Variants in GNG7 observed in about 807,000 individuals in gnomAD.
The protein encoded by GNG7 is G protein subunit gamma 7.
A neutral mutation model predicts 4.0 loss-of-function variants in GNG7; 1 was observed. The ratio of observed to expected loss-of-function variants is 0.25; its 90% CI spans 0.09 to 1.18. GNG7 has a LOEUF of 1.18. Among genes scored for constraint, GNG7 ranks in the 50% most tolerant of loss-of-function variants. GNG7 has a pLI of 0.50. For synonymous variants in GNG7, 34 were observed against 36.9 expected, an observed-to-expected ratio of 0.92 and a Z score of 0.29; for missense variants, 86 against 91.9, an observed-to-expected ratio of 0.94 and a Z score of 0.26.
At chr19:2,560,553 G>A (rs184259718) in intron 2 of GNG7, among the ~76,000 whole-genome samples, 2 of 152,104 alleles carry the variant, frequency 1.3e-5, no homozygotes, top group African/African-American at 4.8e-5. Context: ...TCCAGACTTG[G>A]GGGTGCTCCT....
At chr19:2,686,314 C>T (rs1407264678) in intron 1 of GNG7, among the ~76,000 whole-genome samples, 3 of 152,122 alleles carry the variant, frequency 2.0e-5, no homozygotes, top group Admixed American at 6.6e-5. Flanking sequence ...CCCGCCACCA[C>T]GCCTGGCTAA....
chr19:2,697,560 G>A (rs927204151), intron 1 of GNG7, among the ~76,000 whole-genome samples: 4 of 152,228 alleles, frequency 2.6e-5, no homozygotes, highest in African/African-American at 7.2e-5. Flanking sequence ...GCCAAAGAGT[G>A]CATGTATAAA....
intron 2 of GNG7, among the ~76,000 whole-genome samples, chr19:2,582,609 A>G (rs900816665): frequency 2.0e-5 from 3 of 150,196 alleles, no homozygotes; most frequent in Non-Finnish European, 4.4e-5. Flanking sequence ...CCACCTTCCA[A>G]GTAGCTGGGA....
intron 3 of GNG7, among the ~76,000 whole-genome samples, chr19:2,542,507 A>C (rs146479371): frequency 9.6e-4 from 146 of 152,238 alleles, no homozygotes; most frequent in Non-Finnish European, 1.6e-3. Context: ...AAGGAAGTGA[A>C]TTCAGGAAGA....
At chr19:2,572,287 G>C (rs1455783234) in intron 2 of GNG7, among the ~76,000 whole-genome samples, 2 of 152,072 alleles carry the variant, frequency 1.3e-5, no homozygotes, top group African/African-American at 2.4e-5. Flanking sequence ...CCACGTATCT[G>C]GGACTATAGG....
intron 1 of GNG7, among the ~76,000 whole-genome samples, chr19:2,651,263 T>G (rs1599442371): frequency 1.1e-5 from 1 of 91,310 alleles, no homozygotes. Flanking sequence ...CTTCCTTCCT[T>G]CCTTCCTTCC....
chr19:2,639,047 G>A (rs1331426013), intron 2 of GNG7, among the ~76,000 whole-genome samples: 3 of 151,972 alleles, frequency 2.0e-5, no homozygotes, highest in Non-Finnish European at 4.4e-5. Context: ...CACCAGCCTG[G>A]CCAACATGGT....
intron 1 of GNG7, among the ~76,000 whole-genome samples, chr19:2,648,124 A>G (rs1982716988): frequency 6.6e-6 from 1 of 152,062 alleles, no homozygotes; most frequent in South Asian, 2.1e-4. Flanking sequence ...AACTGGGATA[A>G]AGAGTGAAAT....
intron 1 of GNG7, among the ~76,000 whole-genome samples, chr19:2,655,769 G>A (rs904592694): frequency 4.6e-5 from 7 of 150,630 alleles, no homozygotes; most frequent in Admixed American, 3.3e-4. Context: ...AACCCGGGAG[G>A]TGGAGCTTGC....
chr19:2,550,391 A>AT (rs1249557537), intron 3 of GNG7, among the ~76,000 whole-genome samples: 2 of 152,230 alleles, frequency 1.3e-5, no homozygotes, highest in Non-Finnish European at 2.9e-5. Context: ...AGCCCGGCTA[A>AT]TTTTTTTATT....
At chr19:2,547,398 C>T (rs1020423333) in intron 3 of GNG7, among the ~76,000 whole-genome samples, 4 of 152,082 alleles carry the variant, frequency 2.6e-5, no homozygotes, top group African/African-American at 9.7e-5. Flanking sequence ...TGCCCGTATC[C>T]CTCGGCTCGG....
At chr19:2,690,014 T>C (rs1842135540) in intron 1 of GNG7, among the ~76,000 whole-genome samples, 1 of 152,192 alleles carries the variant, frequency 6.6e-6, no homozygotes, top group African/African-American at 2.4e-5. Flanking sequence ...CATGGCCTTT[T>C]CTTTGACTTT....
chr19:2,661,284 AAGAAAGAAAGAAAGAAAG>A lies in GNG7; in HGVS notation c.-134-15022_-134-15005del, dbSNP rs1568277707. 9.0e-3 allele frequency among the ~76,000 whole-genome samples: 507 copies of A among 56,418 alleles called. 40 individuals are homozygous for A. The highest frequency in any genetic ancestry group is 0.039 in the African/African-American group (469 of 11,990). 37.0% of individuals were successfully genotyped at this position (56,418 alleles called of 152,430 possible). Reference sequence around the variant, plus strand: ...AAGAAAGAAAGAAAAGAAAGAAAGAAAGAAAGAAAGAAAGAAAGAGAAAGAAAGAAAGAAAGAAAGAAA... The same window carrying A: ...AAGAAAGAAAGAAAAGAAAGAAAGAAAGAAAGAAAGAAAGAAAGAAAGAAA... On this transcript the variant is annotated intron_variant, in intron 1 of 4. Coordinates refer to ENST00000382159, the MANE Select transcript of GNG7 (RefSeq NM_052847.3).
intron 2 of GNG7, among the ~76,000 whole-genome samples, chr19:2,615,011 G>A (rs1981679834): frequency 6.6e-6 from 1 of 152,204 alleles, no homozygotes; most frequent in South Asian, 2.1e-4. Flanking sequence ...GCCAGAACTT[G>A]CAGCTGTGAT....
chr19:2,636,309 C>T (rs1380961983), intron 2 of GNG7, among the ~76,000 whole-genome samples: 1 of 152,152 alleles, frequency 6.6e-6, no homozygotes, highest in East Asian at 1.9e-4. Context: ...GGCGAGGATC[C>T]AGGCCCTCTG....
intron 1 of GNG7, among the ~76,000 whole-genome samples, chr19:2,679,193 G>A (rs1425720352): frequency 1.2e-4 from 18 of 151,970 alleles, no homozygotes; most frequent in African/African-American, 4.8e-5. Flanking sequence ...GGGACCACAG[G>A]TGTGCACCAC....
chr19:2,595,557 A>G (rs1980992075), intron 2 of GNG7, among the ~76,000 whole-genome samples: 1 of 151,570 alleles, frequency 6.6e-6, no homozygotes, highest in Non-Finnish European at 1.5e-5. Context: ...AACATAGCAA[A>G]ACTCCGTCTC....
chr19:2,525,495 C>T (rs528708099), intron 3 of GNG7, among the ~76,000 whole-genome samples: 3 of 148,260 alleles, frequency 2.0e-5, no homozygotes, highest in Non-Finnish European at 3.0e-5. Flanking sequence ...GGTACCCCCC[C>T]ACTCCAGGAC....
intron 2 of GNG7, among the ~76,000 whole-genome samples, chr19:2,569,014 A>G (rs1021411970): frequency 6.6e-6 from 1 of 151,358 alleles, no homozygotes; most frequent in Non-Finnish European, 1.5e-5. Flanking sequence ...TATACACACA[A>G]GCAGACACAT....
Sources: allele counts gnomAD v4.1 joint callset (sites outside exome capture counted in the v4.1 genomes callset), GRCh38; gene constraint gnomAD v4.1.1; transcripts MANE v1.5; gene names NCBI Gene and HGNC (gene_info 2026-07-23, HGNC 2026-07-21).